The following SAMD3 variants were observed in gnomAD, a reference collection of about 807,000 sequenced individuals.
SAMD3 encodes sterile alpha motif domain containing 3.
Under a neutral mutation model 58.5 loss-of-function variants are expected in SAMD3, and 63 were observed. That is an observed-to-expected ratio of 1.08 (90% CI 0.88 to 1.33). The LOEUF is 1.33. SAMD3 is among the 40% of genes most tolerant of loss of function. The pLI, the probability that SAMD3 is intolerant of heterozygous loss-of-function variation, is 0.00. For missense variants in SAMD3, 604 were observed against 608.4 expected, an observed-to-expected ratio of 0.99 and a Z score of 0.08; for synonymous variants, 220 against 210.3, an observed-to-expected ratio of 1.05 and a Z score of -0.40.
At chr6:130,229,288 G>C (rs1029720733) in intron 2 of SAMD3, among the ~76,000 whole-genome samples, 1 of 152,190 alleles carries the variant, frequency 6.6e-6, no homozygotes, top group Non-Finnish European at 1.5e-5. Flanking sequence ...ATGACCAAAG[G>C]TAAGATTCCC....
chr6:130,185,806 A>G (rs1047318099), intron 5 of SAMD3, among the ~76,000 whole-genome samples: 1 of 151,592 alleles, frequency 6.6e-6, no homozygotes, highest in Non-Finnish European at 1.5e-5. Flanking sequence ...AATATTTTTT[A>G]TTTTTTGTGG....
At chr6:130,277,003 C>A (rs1774798539) in intron 2 of SAMD3, among the ~76,000 whole-genome samples, 1 of 152,112 alleles carries the variant, frequency 6.6e-6, no homozygotes, top group African/African-American at 2.4e-5. Flanking sequence ...GTCAGAAAAA[C>A]ATCTCAAAAG....
chr6:130,291,781 A>G (rs1034459117), intron 2 of SAMD3, among the ~76,000 whole-genome samples: 9 of 152,124 alleles, frequency 5.9e-5, no homozygotes, highest in African/African-American at 1.9e-4. Flanking sequence ...TAATTTCCCA[A>G]TTTCAGAATT....
At chr6:130,184,005 C>G (rs1449945672) in intron 7 of SAMD3, 98 bp downstream of exon 7, 3 of 876,986 alleles carry the variant, frequency 3.4e-6, no homozygotes, top group Non-Finnish European at 3.8e-6. Flanking sequence ...AGAGAGACAC[C>G]AAGAAAAGAT....
chr6:130,153,677 TTTA>T (rs1435318958), intron 9 of SAMD3, among the ~76,000 whole-genome samples: 1 of 146,264 alleles, frequency 6.8e-6, no homozygotes, highest in African/African-American at 2.5e-5. Flanking sequence ...TATTTATTTA[TTTA>T]TTTTTTAAAA....
chr6:130,317,779 G>A (rs1469296929), intron 1 of SAMD3, among the ~76,000 whole-genome samples: 1 of 152,230 alleles, frequency 6.6e-6, no homozygotes, highest in Non-Finnish European at 1.5e-5. Flanking sequence ...ACAAAGGACA[G>A]TGATGCTGGA....
chr6:130,229,449 CATGAACTTAGTATTCATGGGA>C (rs1264769301), intron 2 of SAMD3, among the ~76,000 whole-genome samples: 1 of 152,040 alleles, frequency 6.6e-6, no homozygotes, highest in Non-Finnish European at 1.5e-5. Context: ...GGCTCAGAGC[CATGAACTTAGTATTCATGGGA>C]ATATAAATTC....
chr6:130,162,755 C>A (rs1790384377), intron 8 of SAMD3, among the ~76,000 whole-genome samples: 1 of 152,148 alleles, frequency 6.6e-6, no homozygotes, highest in South Asian at 2.1e-4. Context: ...CAGCAAGTAA[C>A]TGGACATACT....
chr6:130,350,230 G>T (rs1198009151), intron 1 of SAMD3, among the ~76,000 whole-genome samples: 1 of 152,156 alleles, frequency 6.6e-6, no homozygotes, highest in African/African-American at 2.4e-5. Flanking sequence ...AGGGCATTCA[G>T]GCAGGAGAAA....
chr6:130,314,613 G>A (rs1382502905), intron 1 of SAMD3, among the ~76,000 whole-genome samples: 9 of 152,146 alleles, frequency 5.9e-5, no homozygotes, highest in Non-Finnish European at 1.3e-4. Context: ...GATCAGGTGG[G>A]ATTTAGCCAT....
rs1461248274 is a variant in SAMD3, at chr6:130,146,095, C to G, written c.1110G>C (p.Leu370=). 1 of 1,600,900 alleles carries G rather than the reference C, an allele frequency of 6.2e-7. No individual in the cohort carries two copies. Among genetic ancestry groups the G allele is most frequent in the Non-Finnish European group, 8.5e-7 (1 of 1,173,000 alleles). The change falls in exon 10 of 12, where the codon CTG becomes CTC. Residue 370 remains leucine, a synonymous_variant. Coordinates refer to ENST00000439090, the MANE Select transcript of SAMD3 (RefSeq NM_001017373.4). ...GATTGTCCACCACTGAAAAAGAAGT[C>G]AGTATATTTTCTGAATAGGATTCCA... The part of the protein sequence containing the change: ...HILESYSENI[L]TSFSVVDNPI...
At chr6:130,156,320 T>C (rs1245518330) in intron 8 of SAMD3, among the ~76,000 whole-genome samples, 7 of 151,130 alleles carry the variant, frequency 4.6e-5, no homozygotes, top group Admixed American at 4.6e-4. Flanking sequence ...AGCAAGACTG[T>C]CTCAAAAAAA....
At chr6:130,197,889 G>A (rs568187182) in intron 5 of SAMD3, among the ~76,000 whole-genome samples, 13 of 152,068 alleles carry the variant, frequency 8.5e-5, no homozygotes, top group Admixed American at 4.6e-4. Context: ...CCAGATGGCC[G>A]GTTCCTGCCT....
At chr6:130,301,777 A>G (rs1775757457) in intron 2 of SAMD3, among the ~76,000 whole-genome samples, 1 of 152,188 alleles carries the variant, frequency 6.6e-6, no homozygotes. Context: ...AACAGAATAG[A>G]AAACCCAGAA....
At chr6:130,276,409 G>T (rs4897394) in intron 2 of SAMD3, among the ~76,000 whole-genome samples, 74,628 of 151,966 alleles carry the variant, frequency 0.49, 22,225 homozygotes, top group African/African-American at 0.84. Context: ...AGTTTACTAA[G>T]GTCAGGTTCT....
chr6:130,348,610 C>T (rs1208904779), intron 1 of SAMD3, among the ~76,000 whole-genome samples: 3 of 152,204 alleles, frequency 2.0e-5, no homozygotes, highest in African/African-American at 7.2e-5. Context: ...GAGACTTAGA[C>T]TCCCACACAA....
rs552947660 is a variant in SAMD3 at position 130,145,925 on chromosome 6, A to T, written c.1195+85T>A. On this transcript the variant is annotated intron_variant, in intron 10 of 11. Transcript: ENST00000439090. The stretch of plus-strand genomic sequence containing the variant: ...AAACTCAATAAATGTAAACTACTGA[A>T]TTTTACTGACTACCAAAGCATAACT... The T allele has an allele frequency of 2.5e-4, 191 of 769,654 alleles. No individual in the cohort carries two copies. The African/African-American group carries it at 3.2e-3, about 13-fold the overall frequency. The allele number at this position is 769,654 out of a possible 1,614,324, so 47.7% of individuals were successfully genotyped here. A position where few individuals can be genotyped will look rare whatever the true frequency, so the allele number is the denominator to read the frequency against.
At chr6:130,145,291 G>T (rs773032978) in intron 11 of SAMD3, 49 bp downstream of exon 11, 8 of 825,404 alleles carry the variant, frequency 9.7e-6, no homozygotes, top group Non-Finnish European at 1.3e-5. Flanking sequence ...ATAAATAATC[G>T]CATGAAGATG....
chr6:130,180,287 ATTTTTTTTTTTTTT>A (rs56155412), intron 7 of SAMD3, among the ~76,000 whole-genome samples: 10 of 69,440 alleles, frequency 1.4e-4, no homozygotes, highest in Non-Finnish European at 1.9e-4. Context: ...TACCTGGCTA[ATTTTTTTTTTTTTT>A]TTTTTTTTTT....
Sources: gnomAD v4.1 joint callset for allele counts (sites outside exome capture counted in the v4.1 genomes callset) on GRCh38, gnomAD v4.1.1 for gene constraint, MANE v1.5 for transcripts, NCBI Gene and HGNC (gene_info 2026-07-23, HGNC 2026-07-21) for gene names.